GAD2: variants seen among roughly 807,000 people sequenced by gnomAD.
GAD2 encodes glutamate decarboxylase 2, also known as 65 kDa glutamic acid decarboxylase.
Under a neutral mutation model 80.1 loss-of-function variants are expected in GAD2, and 22 were observed. The ratio of observed to expected loss-of-function variants is 0.27; its 90% CI spans 0.20 to 0.39. The LOEUF (loss-of-function observed/expected upper bound fraction) is 0.39, where lower values mean the gene tolerates loss of function less well. GAD2 is among the 10% of genes least tolerant of loss of function. The pLI, the probability that GAD2 is intolerant of heterozygous loss-of-function variation, is 1.00. For synonymous variants in GAD2, 274 were observed against 256.9 expected (o/e 1.07, Z -0.64); for missense variants, 624 against 738.4 (o/e 0.85, Z 1.80).
intron 12 of GAD2, among the ~76,000 whole-genome samples, chr10:26,281,425 G>C (rs1210486125): frequency 6.6e-6 from 1 of 151,812 alleles, no homozygotes; most frequent in Non-Finnish European, 1.5e-5. Context: ...TTTTTTTTCT[G>C]GAATCTGAGA....
In GAD2 at chr10:26,256,614, G is replaced by T. The variant is rs141384762; in HGVS notation, c.920+10614G>T. Among the ~76,000 whole-genome samples, 29 of 152,272 alleles carry T rather than the reference G, an allele frequency of 1.9e-4. No homozygotes were observed. The East Asian group carries it at 5.6e-3, about 29-fold the overall frequency. On this transcript the variant is annotated intron_variant, in intron 8 of 15. Coordinates refer to ENST00000376261, the MANE Select transcript of GAD2 (RefSeq NM_001134366.2). Reference sequence around the variant, plus strand: ...AGTAGAGACCATTTAGTTTGCAGGTGATTTGGATTCATCTGGTGTTTTCCC... The same window carrying T: ...AGTAGAGACCATTTAGTTTGCAGGTTATTTGGATTCATCTGGTGTTTTCCC...
intron 8 of GAD2, among the ~76,000 whole-genome samples, chr10:26,251,811 T>A (rs1232142022): frequency 6.6e-6 from 1 of 152,236 alleles, no homozygotes. Context: ...ATGGCATCTT[T>A]GACTCTATAT....
chr10:26,257,265 T>G (rs1039723062), intron 8 of GAD2, among the ~76,000 whole-genome samples: 2 of 152,062 alleles, frequency 1.3e-5, no homozygotes, highest in African/African-American at 4.8e-5. Context: ...TAATCCCAGC[T>G]ACTTGGGAGG....
chr10:26,300,613 T>A (rs1834319101), intron 15 of GAD2, among the ~76,000 whole-genome samples, 175 bp from the exon 16 acceptor site: 1 of 152,126 alleles, frequency 6.6e-6, no homozygotes, highest in African/African-American at 2.4e-5. Context: ...CTTGAATGTG[T>A]TAGACTGTTC....
At chr10:26,256,583 T>C (rs2132295674) in intron 8 of GAD2, among the ~76,000 whole-genome samples, 1 of 152,332 alleles carries the variant, frequency 6.6e-6, no homozygotes, top group South Asian at 2.1e-4. Flanking sequence ...ATTGATGTTT[T>C]TTATGAGTAG....
chr10:26,297,068 C>T (rs1294321624), intron 15 of GAD2, among the ~76,000 whole-genome samples: 1 of 152,056 alleles, frequency 6.6e-6, no homozygotes, highest in African/African-American at 2.4e-5. Context: ...GCACACACCA[C>T]CACACCCAGC....
intron 7 of GAD2, among the ~76,000 whole-genome samples, chr10:26,245,093 C>T (rs1844788060): frequency 6.9e-6 from 1 of 145,608 alleles, no homozygotes; most frequent in Admixed American, 7.0e-5. Context: ...GCAGGGGTTG[C>T]AGTGAGCTGA....
At chr10:26,284,826 C>T (rs1365566817) in intron 12 of GAD2, among the ~76,000 whole-genome samples, 2 of 152,138 alleles carry the variant, frequency 1.3e-5, no homozygotes, top group Non-Finnish European at 2.9e-5. Flanking sequence ...GCCTCGGCCT[C>T]CCAAAGTGCT....
At chr10:26,296,222 G>A (rs938010020) in intron 15 of GAD2, among the ~76,000 whole-genome samples, 3 of 152,020 alleles carry the variant, frequency 2.0e-5, no homozygotes, top group African/African-American at 7.2e-5. Flanking sequence ...ACCTACCAAA[G>A]GCCCTATCTC....
At chr10:26,246,820 C>T (rs142981666) in intron 8 of GAD2, among the ~76,000 whole-genome samples, 1 of 152,204 alleles carries the variant, frequency 6.6e-6, no homozygotes, top group Non-Finnish European at 1.5e-5. Context: ...AACTGCATGG[C>T]ATGAAGTACA....
chr10:26,245,039 G>C (rs1589142492), intron 7 of GAD2, among the ~76,000 whole-genome samples: 1 of 151,834 alleles, frequency 6.6e-6, no homozygotes, highest in East Asian at 1.9e-4. Context: ...TGTAATCCCA[G>C]CTACTTGGGA....
chr10:26,236,352 G>A (rs1388652269), intron 7 of GAD2, among the ~76,000 whole-genome samples: 1 of 149,486 alleles, frequency 6.7e-6, no homozygotes, highest in Non-Finnish European at 1.5e-5. Flanking sequence ...CCAGGCTGGA[G>A]TGCAATGACG....
At chr10:26,247,636 C>T (rs960560719) in intron 8 of GAD2, among the ~76,000 whole-genome samples, 1 of 151,968 alleles carries the variant, frequency 6.6e-6, no homozygotes, top group Non-Finnish European at 1.5e-5. Flanking sequence ...TGGCTCACGT[C>T]TGTAATCCCA....
In GAD2 at chr10:26,219,068, A is replaced by G. The variant is rs1183593369; in HGVS notation, c.312A>G (p.Glu104=). 1 of 1,589,260 alleles carries G rather than the reference A, an allele frequency of 6.3e-7. No homozygotes were observed. The highest frequency in any genetic ancestry group is 8.6e-7 in the Non-Finnish European group (1 of 1,166,568). The change falls in exon 4 of 16, where the codon GAA becomes GAG. Residue 104 remains glutamate (E), a synonymous_variant. Coordinates refer to ENST00000376261, the MANE Select transcript of GAD2 (RefSeq NM_001134366.2). ...ACCTGCTGCCGGCGTGTGATGGAGAAAGGCCCACTTTGGCGTTTCTGCAAG... is the reference window on the plus strand; with the variant it reads ...ACCTGCTGCCGGCGTGTGATGGAGAGAGGCCCACTTTGGCGTTTCTGCAAG... ...ATDLLPACDG[E]RPTLAFLQDV...
intron 8 of GAD2, among the ~76,000 whole-genome samples, chr10:26,264,630 C>T (rs1163582021): frequency 6.6e-6 from 1 of 152,096 alleles, no homozygotes; most frequent in African/African-American, 2.4e-5. Flanking sequence ...AGCTTTTAAC[C>T]ATAGTCAACT....
upstream of GAD2, chr10:26,216,505 G>A: frequency 8.2e-6 from 2 of 244,462 alleles, no homozygotes; most frequent in Non-Finnish European, 1.5e-5. This position sits in a 1 kb window ranked among gnomAD's most constrained non-coding sequence, Gnocchi z 4.7. Context: ...ATGCTCTGGG[G>A]CTCTCCGCGC....
At chr10:26,237,410 C>T (rs76841708) in intron 7 of GAD2, among the ~76,000 whole-genome samples, 4,940 of 152,110 alleles carry the variant, frequency 0.032, 244 homozygotes, top group African/African-American at 0.11. Context: ...ATACCCAGCT[C>T]CCGTAGCTGT....
At chr10:26,287,031 C>T (rs1267522858) in intron 13 of GAD2, among the ~76,000 whole-genome samples, 1 of 152,204 alleles carries the variant, frequency 6.6e-6, no homozygotes, top group Non-Finnish European at 1.5e-5. Flanking sequence ...CTGAATTTAG[C>T]TGTAGGTGAT....
At chr10:26,235,531 A>G (rs1441106257) in intron 7 of GAD2, among the ~76,000 whole-genome samples, 1 of 152,234 alleles carries the variant, frequency 6.6e-6, no homozygotes, top group Admixed American at 6.5e-5. Context: ...TAAAACTTGA[A>G]TAAGACTAAA....
Sources: allele counts gnomAD v4.1 joint callset (sites outside exome capture counted in the v4.1 genomes callset), GRCh38; gene constraint gnomAD v4.1.1; non-coding constraint Gnocchi (gnomAD v3.1); transcripts MANE v1.5; gene names NCBI Gene and HGNC (gene_info 2026-07-23, HGNC 2026-07-21).